The following SCYL3 variants were observed in gnomAD, a reference collection of about 807,000 sequenced individuals.
SCYL3 encodes SCY1 like pseudokinase 3.
Under a neutral mutation model 73.8 loss-of-function variants are expected in SCYL3, and 35 were observed. The observed-to-expected ratio is 0.47, with a 90% CI of 0.36 to 0.63. The LOEUF (loss-of-function observed/expected upper bound fraction) is 0.63. Ranked by LOEUF, SCYL3 falls within the 20% of genes least tolerant of loss-of-function variation. SCYL3 has a pLI of 0.00. For missense variants in SCYL3, 712 were observed against 798.9 expected, an observed-to-expected ratio of 0.89 and a Z score of 1.31; for synonymous variants, 277 against 295.2, an observed-to-expected ratio of 0.94 and a Z score of 0.63.
Position 169,853,070 on chromosome 1 carries a change from CAA to C in SCYL3, c.*641_*642del, listed in dbSNP as rs1301061349. 8.9e-6 allele frequency: 12 copies of C among 1,355,340 alleles called. No homozygotes were observed. Among genetic ancestry groups the C allele is most frequent in the Non-Finnish European group, 1.2e-5 (12 of 967,298 alleles). The allele number at this position is 1,355,340 out of a possible 1,614,324, so 84.0% of individuals were successfully genotyped here. A position where few individuals can be genotyped will look rare whatever the true frequency, so the allele number is the denominator to read the frequency against. ...TGTACATTTTCTAACAGATATAAAA[CAA>C]ATTTTGTAAAGTTGAATCTAGTGAA... On this transcript the variant is annotated 3_prime_UTR_variant, in exon 13 of 13. Transcript: ENST00000367771.
chr1:169,864,997 G>A (rs955081407), intron 8 of SCYL3, among the ~76,000 whole-genome samples: 3 of 88 alleles, frequency 0.034, no homozygotes, highest in Non-Finnish European at 0.045. Context: ...TACAGAAAGT[G>A]TGAGCAAAGC....
At position 169,861,925 on chromosome 1, in the gene SCYL3, C is replaced by A. The variant is rs191683699; in HGVS notation, c.1140+688G>T. Among the ~76,000 whole-genome samples the A allele has an allele frequency of 3.3e-5, 5 of 152,164 alleles. No individual in the cohort carries two copies. In the East Asian group the frequency reaches 9.7e-4, roughly 29 times the overall value. ...AAAGACAGACAAGGAGGTAAGAAGGCCACGTGACAACAGAAGCAGAGACTG... is the reference window on the plus strand; with the variant it reads ...AAAGACAGACAAGGAGGTAAGAAGGACACGTGACAACAGAAGCAGAGACTG... On this transcript the variant is annotated intron_variant, in intron 10 of 12. Coordinates refer to ENST00000367771, the MANE Select transcript of SCYL3 (RefSeq NM_020423.7).
chr1:169,886,453 A>C (rs1228796874), intron 2 of SCYL3, among the ~76,000 whole-genome samples: 1 of 152,196 alleles, frequency 6.6e-6, no homozygotes, highest in African/African-American at 2.4e-5. Context: ...ACCCTTCCAC[A>C]ACAGCCCAAA....
chr1:169,870,265 T>C lies in SCYL3; in HGVS notation c.615A>G (p.Leu205=). ...GTLVESLLTI[L]NEQVSADVLS... ...ATAACTCCAACTCACCCTGTTCATT[T>C]AAGATTGTGAGCAAACTTTCCACCA... The change falls in exon 6 of 13, where the codon TTA becomes TTG. Residue 205 remains leucine, a synonymous_variant. Coordinates refer to ENST00000367771, the MANE Select transcript of SCYL3 (RefSeq NM_020423.7). The C allele has an allele frequency of 1.2e-6, 2 of 1,611,708 alleles. No individual in the cohort carries two copies. The highest frequency in any genetic ancestry group is 4.5e-5 in the East Asian group (2 of 44,830).
At chr1:169,878,486 A>C (rs543949118) in intron 3 of SCYL3, 148 bp downstream of exon 3, 2 of 652,292 alleles carry the variant, frequency 3.1e-6, no homozygotes, top group Admixed American at 3.4e-5. Flanking sequence ...GCCTTCCAAC[A>C]TGCTATTTTT....
rs1413183226 is a variant in SCYL3, at chr1:169,851,928, T to A, written c.*1785A>T. 1 of 1,614,060 alleles carries A rather than the reference T, an allele frequency of 6.2e-7. No individual in the cohort carries two copies. ...GACTGTAGAAGAAGCAAAGAGGTCA[T>A]CTTTACAGGTATGGGCTGATTTCAA... is the stretch of plus-strand genomic sequence containing the variant. On this transcript the variant is annotated 3_prime_UTR_variant, in exon 13 of 13. Coordinates refer to ENST00000367771, the MANE Select transcript of SCYL3 (RefSeq NM_020423.7).
In SCYL3 at chr1:169,855,559, C is replaced by T. The variant is rs867208934; in HGVS notation, c.1313-595G>A. ...TGCTGCACTAAGGCAACAAAAGTCTCAAAGTAAAGTATCAGTGCAAAAAAG... is the reference window on the plus strand; with the variant it reads ...TGCTGCACTAAGGCAACAAAAGTCTTAAAGTAAAGTATCAGTGCAAAAAAG... On this transcript the variant is annotated intron_variant, in intron 11 of 12. Coordinates refer to ENST00000367771, the MANE Select transcript of SCYL3 (RefSeq NM_020423.7). Among the ~76,000 whole-genome samples the T allele has an allele frequency of 3.9e-5, 6 of 152,286 alleles. No individual in the cohort carries two copies. In the South Asian group the frequency reaches 1.0e-3, roughly 26 times the overall value.
chr1:169,855,333 A>T (rs912175812), intron 11 of SCYL3, among the ~76,000 whole-genome samples: 1 of 152,220 alleles, frequency 6.6e-6, no homozygotes, highest in African/African-American at 2.4e-5. Context: ...TTGCAGGCTC[A>T]AATAAGTTTG....
At chr1:169,881,971 G>A (rs556719366) in intron 2 of SCYL3, among the ~76,000 whole-genome samples, 1 of 152,232 alleles carries the variant, frequency 6.6e-6, no homozygotes, top group African/African-American at 2.4e-5. Context: ...GCCCTCGCTC[G>A]CTCTCGGCGC....
At chr1:169,892,250 TTTTG>T (rs148340736) in intron 1 of SCYL3, among the ~76,000 whole-genome samples, 10,266 of 152,246 alleles carry the variant, frequency 0.067, 441 homozygotes, top group Non-Finnish European at 0.1. Context: ...GAAGAAGTTT[TTTTG>T]TTTGTTTTTT....
intron 11 of SCYL3, 118 bp downstream of exon 11, chr1:169,858,922 CT>C: frequency 1.2e-6 from 1 of 867,604 alleles, no homozygotes; most frequent in Admixed American, 3.3e-5. Context: ...GAGAAATTAA[CT>C]TTTTATTTAT....
intron 11 of SCYL3, among the ~76,000 whole-genome samples, chr1:169,856,357 A>G (rs1393174860): frequency 6.6e-6 from 1 of 152,198 alleles, no homozygotes; most frequent in Non-Finnish European, 1.5e-5. Context: ...ATACCACAAA[A>G]CTATACACTT....
At chr1:169,886,135 A>G (rs1280107232) in intron 2 of SCYL3, among the ~76,000 whole-genome samples, 1 of 152,156 alleles carries the variant, frequency 6.6e-6, no homozygotes, top group Non-Finnish European at 1.5e-5. Context: ...ACATGGTGAA[A>G]CCCCACCTCT....
At chr1:169,881,410 ATT>A (rs1571444213) in intron 2 of SCYL3, among the ~76,000 whole-genome samples, 1 of 152,176 alleles carries the variant, frequency 6.6e-6, no homozygotes, top group Non-Finnish European at 1.5e-5. Flanking sequence ...CACCTTAAAC[ATT>A]TGTCTTTTCT....
chr1:169,854,255 C>A lies in SCYL3; in HGVS notation c.2007+15G>T. Reference sequence around the variant, plus strand: ...CTAAAGCTAGTAGCACAGTTTACTCCATAAAAGTACTCACCTCAGTAATTT... The same window carrying A: ...CTAAAGCTAGTAGCACAGTTTACTCAATAAAAGTACTCACCTCAGTAATTT... On this transcript the variant is annotated intron_variant, in intron 12 of 12. Coordinates refer to ENST00000367771, the MANE Select transcript of SCYL3 (RefSeq NM_020423.7). 6.4e-7 allele frequency: 1 copy of A among 1,573,766 alleles called. No homozygotes were observed.
chr1:169,875,170 C>T (rs1452128918), intron 4 of SCYL3, among the ~76,000 whole-genome samples: 3 of 151,998 alleles, frequency 2.0e-5, no homozygotes, highest in Admixed American at 1.3e-4. Flanking sequence ...TGAAGGTACA[C>T]GTTAGACATG....
intron 3 of SCYL3, among the ~76,000 whole-genome samples, chr1:169,876,814 G>A (rs1271894711): frequency 6.6e-6 from 1 of 151,914 alleles, no homozygotes; most frequent in African/African-American, 2.4e-5. Flanking sequence ...TATTAGCCGG[G>A]CATGGTGGCG....
chr1:169,869,042 G>T lies in SCYL3; in HGVS notation c.626-3C>A. On this transcript the variant is annotated splice_polypyrimidine_tract_variant and splice_region_variant and intron_variant, in intron 6 of 12. Transcript: ENST00000367771. ...GCTGGAGAGAACATCCGCTGAAACT[G>T]AAATCCAGAGCTACAGTTAGTTTCC... The T allele has an allele frequency of 6.2e-7, 1 of 1,609,970 alleles. No homozygotes were observed. Among genetic ancestry groups the T allele is most frequent in the Non-Finnish European group, 8.5e-7 (1 of 1,176,290 alleles).
intron 12 of SCYL3, 123 bp downstream of exon 12, chr1:169,854,147 A>T: frequency 2.8e-6 from 2 of 711,202 alleles, no homozygotes; most frequent in Non-Finnish European, 4.3e-6. Context: ...TGATTTTGTT[A>T]ATTTTGTGCT....
Sources: gnomAD v4.1 joint callset for allele counts (sites outside exome capture counted in the v4.1 genomes callset) on GRCh38, gnomAD v4.1.1 for gene constraint, MANE v1.5 for transcripts, NCBI Gene and HGNC (gene_info 2026-07-23, HGNC 2026-07-21) for gene names.